The following RANBP17 variants were observed in gnomAD, a reference collection of about 807,000 sequenced individuals.
RANBP17 encodes ran-binding protein 17.
RANBP17 carries 158 observed loss-of-function variants against 141.2 expected under a neutral mutation model. The ratio of observed to expected loss-of-function variants is 1.12; its 90% confidence interval spans 0.98 to 1.28. The LOEUF is 1.28. Ranked by LOEUF, RANBP17 falls within the 50% of genes most tolerant of loss-of-function variation. The probability of loss-of-function intolerance (pLI) is 0.00; values close to 1 mark genes in which losing one functional copy is unlikely to be tolerated. For missense variants in RANBP17, 1,438 were observed against 1,290.7 expected, an observed-to-expected ratio of 1.11 and a Z score of -1.75; for synonymous variants, 430 against 450.0, an observed-to-expected ratio of 0.96 and a Z score of 0.56.
chr5:171,172,998 A>T (rs1760206129), intron 16 of RANBP17, among the ~76,000 whole-genome samples: 1 of 151,976 alleles, frequency 6.6e-6, no homozygotes, highest in South Asian at 2.1e-4. Flanking sequence ...AGGGGATAGG[A>T]ATGATTTCAA....
chr5:171,094,705 G>T (rs1786552021), intron 14 of RANBP17, among the ~76,000 whole-genome samples: 1 of 152,178 alleles, frequency 6.6e-6, no homozygotes, highest in Non-Finnish European at 1.5e-5. Flanking sequence ...AATTATGGAA[G>T]AGTTTGCTGT....
rs570994090 is a variant in RANBP17 at position 171,055,116 on chromosome 5, A to C, written c.1710+86739A>C. On this transcript the variant is annotated intron_variant, in intron 14 of 27. Coordinates refer to ENST00000523189, the MANE Select transcript of RANBP17 (RefSeq NM_022897.5). ...AAAGAAAAATAAGCAAAATTATCCC[A>C]AGTAAAGAGAGCTTTCCATGAACTG... 3.2e-4 allele frequency among the ~76,000 whole-genome samples: 49 copies of C among 152,298 alleles called. 1 individual carries two copies. The South Asian group carries it at 0.01, about 32-fold the overall frequency.
chr5:171,155,728 A>G (rs974884647), intron 14 of RANBP17, among the ~76,000 whole-genome samples: 8 of 152,198 alleles, frequency 5.3e-5, no homozygotes, highest in African/African-American at 1.9e-4. Flanking sequence ...TGTCATCTTG[A>G]AGTAAAGATG....
chr5:171,082,827 G>T (rs1314160240), intron 14 of RANBP17, among the ~76,000 whole-genome samples: 2 of 151,748 alleles, frequency 1.3e-5, no homozygotes, highest in Non-Finnish European at 2.9e-5. Context: ...CCTGGATTTG[G>T]TGTGTAACCT....
intron 12 of RANBP17, among the ~76,000 whole-genome samples, chr5:170,932,848 AG>A (rs1381037892): frequency 5.3e-5 from 8 of 152,168 alleles, no homozygotes; most frequent in Non-Finnish European, 1.2e-4. Context: ...GATATTCATC[AG>A]GGATGTTGGT....
At chr5:170,897,773 T>G (rs897187094) in intron 5 of RANBP17, among the ~76,000 whole-genome samples, 4 of 152,208 alleles carry the variant, frequency 2.6e-5, no homozygotes, top group African/African-American at 9.7e-5. Context: ...TATTCCATGG[T>G]GTATATGTGG....
chr5:170,889,842 A>C (rs979907225), intron 3 of RANBP17, among the ~76,000 whole-genome samples: 2 of 152,100 alleles, frequency 1.3e-5, no homozygotes, highest in Non-Finnish European at 2.9e-5. Context: ...TAATTGTACC[A>C]GTGAGGAGGA....
At chr5:170,894,866 T>G (rs1769978452) in intron 4 of RANBP17, among the ~76,000 whole-genome samples, 1 of 152,178 alleles carries the variant, frequency 6.6e-6, no homozygotes, top group Non-Finnish European at 1.5e-5. Context: ...TGAGAAAGAC[T>G]TGCTATGACA....
At chr5:171,006,729 AAAACTT>A (rs1006291006) in intron 14 of RANBP17, among the ~76,000 whole-genome samples, 1 of 139,190 alleles carries the variant, frequency 7.2e-6, no homozygotes, top group African/African-American at 2.6e-5. Flanking sequence ...CATGTACTCT[AAAACTT>A]AAAGTATTAA....
chr5:171,108,353 A>G (rs1295918486), intron 14 of RANBP17, among the ~76,000 whole-genome samples: 3 of 152,178 alleles, frequency 2.0e-5, no homozygotes, highest in African/African-American at 7.2e-5. Flanking sequence ...CACACATAGC[A>G]TATCAACATA....
At chr5:171,021,898 C>T (rs184978206) in intron 14 of RANBP17, among the ~76,000 whole-genome samples, 6 of 152,224 alleles carry the variant, frequency 3.9e-5, no homozygotes, top group East Asian at 1.9e-4. Flanking sequence ...GTCTCATCTT[C>T]GTGAGTTTGT....
At chr5:170,936,507 G>A (rs1773892320) in intron 12 of RANBP17, among the ~76,000 whole-genome samples, 1 of 152,076 alleles carries the variant, frequency 6.6e-6, no homozygotes, top group Non-Finnish European at 1.5e-5. Flanking sequence ...TTATTTAGAA[G>A]TGTGCTTTTA....
intron 14 of RANBP17, among the ~76,000 whole-genome samples, chr5:171,023,537 A>T (rs935329987): frequency 1.3e-4 from 20 of 152,274 alleles, no homozygotes; most frequent in African/African-American, 4.8e-4. Flanking sequence ...TACAGATTTG[A>T]TGAAAATGGA....
chr5:171,167,671 AGTC>A (rs1415637118), intron 14 of RANBP17, among the ~76,000 whole-genome samples: 4 of 152,144 alleles, frequency 2.6e-5, no homozygotes, highest in African/African-American at 9.7e-5. Context: ...TTTAAATTCC[AGTC>A]AGAGTTAAGG....
At chr5:170,909,959 A>C (rs1432663527) in intron 6 of RANBP17, 194 bp downstream of exon 6, 3 of 418,060 alleles carry the variant, frequency 7.2e-6, no homozygotes, top group Non-Finnish European at 1.3e-5. Flanking sequence ...GGCATATGAT[A>C]AGGTGAAATC....
Position 170,868,597 on chromosome 5 carries a change from C to G in RANBP17, c.18+6546C>G, listed in dbSNP as rs558321939. On this transcript the variant is annotated intron_variant, in intron 1 of 27. Coordinates refer to ENST00000523189, the MANE Select transcript of RANBP17 (RefSeq NM_022897.5). Reference sequence around the variant, plus strand: ...TGTCTGTTTGTATTTGATAGTTACTCTGTGGGAGGTGAATGATGTCCACTT... The same window carrying G: ...TGTCTGTTTGTATTTGATAGTTACTGTGTGGGAGGTGAATGATGTCCACTT... Among the ~76,000 whole-genome samples the G allele has an allele frequency of 4.1e-4, 62 of 152,232 alleles. No individual in the cohort carries two copies. In the Middle Eastern group the frequency reaches 0.02, roughly 50 times the overall value.
At chr5:171,038,890 A>G (rs749789139) in intron 14 of RANBP17, among the ~76,000 whole-genome samples, 77 of 152,180 alleles carry the variant, frequency 5.1e-4, no homozygotes, top group Non-Finnish European at 6.8e-4. Flanking sequence ...TTTTGTGTCT[A>G]TGTTCATCAT....
chr5:170,912,538 T>G (rs1244915595), intron 7 of RANBP17, among the ~76,000 whole-genome samples: 1 of 151,800 alleles, frequency 6.6e-6, no homozygotes, highest in Non-Finnish European at 1.5e-5. Context: ...AGAGAGATGT[T>G]GAGATAATGC....
intron 13 of RANBP17, among the ~76,000 whole-genome samples, chr5:170,955,199 A>T (rs752448656): frequency 7.9e-5 from 12 of 152,118 alleles, no homozygotes; most frequent in Non-Finnish European, 1.8e-4. Flanking sequence ...CACTGTGCTG[A>T]ACCCAAATTG....
Sources: gnomAD v4.1 joint callset for allele counts (sites outside exome capture counted in the v4.1 genomes callset) on GRCh38, gnomAD v4.1.1 for gene constraint, MANE v1.5 for transcripts, NCBI Gene and HGNC (gene_info 2026-07-23, HGNC 2026-07-21) for gene names.